The following EXD3 variants were observed in gnomAD, a reference collection of about 807,000 sequenced individuals.
EXD3 encodes the protein exonuclease 3'-5' domain containing 3, also known as exonuclease mut-7 homolog.
In EXD3, 92 loss-of-function variants were observed where a neutral mutation model predicts 98.0. The observed-to-expected ratio is 0.94, with a 90% confidence interval of 0.79 to 1.12. EXD3 has a LOEUF of 1.12. Ranked by LOEUF, EXD3 falls within the 50% of genes most tolerant of loss-of-function variation. EXD3 has a pLI of 0.00. For missense variants in EXD3, 1,222 were observed against 1,191.6 expected, an observed-to-expected ratio of 1.03 and a Z score of -0.38; for synonymous variants, 569 against 526.0, an observed-to-expected ratio of 1.08 and a Z score of -1.12.
At chr9:137,409,710 G>A (rs979300647) in intron 1 of EXD3, among the ~76,000 whole-genome samples, 2 of 152,122 alleles carry the variant, frequency 1.3e-5, no homozygotes, top group African/African-American at 2.4e-5. Context: ...ACATTCCCTC[G>A]CTGCACACTC....
At chr9:137,330,572 AG>A (rs767950123) in intron 17 of EXD3, among the ~76,000 whole-genome samples, 72 of 74,820 alleles carry the variant, frequency 9.6e-4, no homozygotes, top group Admixed American at 1.5e-3. Flanking sequence ...GCTCCACAGG[AG>A]CTACACAGGA....
chr9:137,421,175 C>T (rs746779368), intron 1 of EXD3, among the ~76,000 whole-genome samples: 2 of 152,106 alleles, frequency 1.3e-5, no homozygotes, highest in Non-Finnish European at 2.9e-5. Flanking sequence ...ATGATGATTG[C>T]CTCATGTGTA....
rs1316755157 is a variant in EXD3 at position 137,404,200 on chromosome 9, A to T, written c.-47-8796T>A. On this transcript the variant is annotated intron_variant, in intron 1 of 21. Transcript: ENST00000340951. ...CTGCCAAGACCCCATCTCCAAATAC[A>T]GTGACATGGCGCCTAGGGCTTCAAC... 2.0e-5 allele frequency among the ~76,000 whole-genome samples: 3 copies of T among 152,160 alleles called. No homozygotes were observed. In the East Asian group the frequency reaches 5.8e-4, roughly 29 times the overall value.
intron 5 of EXD3, among the ~76,000 whole-genome samples, chr9:137,369,942 G>A (rs2131671265): frequency 1.3e-5 from 2 of 152,358 alleles, no homozygotes; most frequent in South Asian, 4.1e-4. Context: ...TGGGCTTTCT[G>A]GACATGCAGG....
intron 14 of EXD3, among the ~76,000 whole-genome samples, chr9:137,350,199 TAG>T (rs1327629744): frequency 3.3e-5 from 1 of 30,684 alleles, no homozygotes; most frequent in African/African-American, 2.0e-4. Context: ...AGGTTCTAGA[TAG>T]AGAGGGGTGG....
chr9:137,328,246 T>C lies in EXD3; in HGVS notation c.1999-4103A>G, dbSNP rs985120759. 2.3e-4 allele frequency among the ~76,000 whole-genome samples: 35 copies of C among 149,636 alleles called. 1 individual carries two copies. Among genetic ancestry groups the C allele is most frequent in the South Asian group, 6.3e-4 (3 of 4,778 alleles). ...TAAAAACAACAAATATACACCCACATGATGAGTAAAAACAACAAATAAACA... is the reference window on the plus strand; with the variant it reads ...TAAAAACAACAAATATACACCCACACGATGAGTAAAAACAACAAATAAACA... On this transcript the variant is annotated intron_variant, in intron 17 of 21. Coordinates refer to ENST00000340951, the MANE Select transcript of EXD3 (RefSeq NM_017820.5).
intron 8 of EXD3, among the ~76,000 whole-genome samples, chr9:137,355,665 GAGAAAGGGAGGA>G: frequency 3.1e-5 from 4 of 130,418 alleles, no homozygotes; most frequent in African/African-American, 1.1e-4. Context: ...AAGGAGGAAG[GAGAAAGGGAGGA>G]TGGAGGAAGG....
chr9:137,398,938 A>G (rs1330327816), intron 1 of EXD3, among the ~76,000 whole-genome samples: 2 of 151,716 alleles, frequency 1.3e-5, no homozygotes, highest in East Asian at 3.9e-4. Context: ...ACACATGTGC[A>G]CCCGCGTCCC....
At chr9:137,348,316 C>T in intron 16 of EXD3, 78 bp from the exon 17 acceptor site, 1 of 1,445,418 alleles carries the variant, frequency 6.9e-7, no homozygotes. Flanking sequence ...GGCCCTGAGG[C>T]TGTGTGGCCA....
In EXD3 at chr9:137,324,020, G is replaced by A; in HGVS notation, c.2052+70C>T. On this transcript the variant is annotated intron_variant, in intron 18 of 21. Coordinates refer to ENST00000340951, the MANE Select transcript of EXD3 (RefSeq NM_017820.5). This position sits in a 1 kb window ranked among gnomAD's most constrained non-coding sequence, Gnocchi z 4.1. ...CACGGCAAGCTGACCCTGAGGTGGG[G>A]GTGGCCGAGGGGCTGGGGGCTTGGG... 6.5e-7 allele frequency: 1 copy of A among 1,540,120 alleles called. No individual in the cohort carries two copies. Among genetic ancestry groups the A allele is most frequent in the South Asian group, 1.2e-5 (1 of 83,638 alleles).
At position 137,352,696 on chromosome 9, in the gene EXD3, T is replaced by A; in HGVS notation, c.961A>T (p.Met321Leu). Residue 321 changes from methionine to leucine, a missense_variant, in exon 11 of 22, where the codon ATG becomes TTG. Physicochemically the swap from Met to Leu is conservative, Grantham distance 15. Coordinates refer to ENST00000340951, the MANE Select transcript of EXD3 (RefSeq NM_017820.5). ...CGCTCCTCGGGCAGCAAGAGTTCCATGGCACACTGGGCGGCCGTGACTGGG... is the reference window on the plus strand; with the variant it reads ...CGCTCCTCGGGCAGCAAGAGTTCCAAGGCACACTGGGCGGCCGTGACTGGG... ...SDPVTAAQCA[M>L]ELLLPEERLP... 1 of 1,562,806 alleles carries A rather than the reference T, an allele frequency of 6.4e-7. No homozygotes were observed. Among genetic ancestry groups the A allele is most frequent in the Admixed American group, 1.9e-5 (1 of 51,806 alleles).
intron 17 of EXD3, among the ~76,000 whole-genome samples, chr9:137,326,830 C>A (rs1158811512): frequency 6.6e-6 from 1 of 152,020 alleles, no homozygotes; most frequent in Admixed American, 6.6e-5. Flanking sequence ...GTAGAGGATT[C>A]AGCAGTTTCA....
chr9:137,350,124 C>T (rs1337887980), intron 14 of EXD3, among the ~76,000 whole-genome samples: 3 of 50,524 alleles, frequency 5.9e-5, no homozygotes, highest in African/African-American at 3.1e-4. Context: ...GGGGAGGGTT[C>T]TAGATAGAGA....
intron 19 of EXD3, among the ~76,000 whole-genome samples, chr9:137,316,662 G>T (rs1180453875): frequency 1.3e-5 from 2 of 152,222 alleles, no homozygotes; most frequent in Non-Finnish European, 2.9e-5. Context: ...GGCCTGGCAG[G>T]CCAGGGGGAG....
At chr9:137,308,466 G>T (rs1831171522) in intron 20 of EXD3, among the ~76,000 whole-genome samples, 1 of 151,946 alleles carries the variant, frequency 6.6e-6, no homozygotes, top group Admixed American at 6.6e-5. Context: ...CACTACCCTC[G>T]GGTGGGGTGT....
At position 137,393,633 on chromosome 9, in the gene EXD3, C is replaced by G. The variant is rs1837055495; in HGVS notation, c.55+1670G>C. Among the ~76,000 whole-genome samples, 4 of 152,336 alleles carry G rather than the reference C, an allele frequency of 2.6e-5. No individual in the cohort carries two copies. The Middle Eastern group carries it at 0.014, about 518-fold the overall frequency. On this transcript the variant is annotated intron_variant, in intron 2 of 21. Coordinates refer to ENST00000340951, the MANE Select transcript of EXD3 (RefSeq NM_017820.5). The surrounding 1 kb of genome is among the most constrained non-coding windows in gnomAD (Gnocchi z 4.6). ...ACAGAAGAGGAAGGCAGAGAGGAAGCCCCTGGAGGGGTCCAAGGCCCGAGG... is the reference window on the plus strand; with the variant it reads ...ACAGAAGAGGAAGGCAGAGAGGAAGGCCCTGGAGGGGTCCAAGGCCCGAGG...
intron 17 of EXD3, among the ~76,000 whole-genome samples, chr9:137,325,551 G>C (rs938247173): frequency 1.3e-5 from 2 of 152,014 alleles, no homozygotes; most frequent in African/African-American, 4.8e-5. Context: ...TCATGCCTCA[G>C]CCTCCCAAGT....
chr9:137,353,446 C>A, intron 10 of EXD3: 1 of 985,356 alleles, frequency 1.0e-6, no homozygotes, highest in Non-Finnish European at 1.2e-6. Flanking sequence ...CCCTCCTCCT[C>A]ATTATGTGGG....
At position 137,407,118 on chromosome 9, in the gene EXD3, G is replaced by A. The variant is rs1027019357; in HGVS notation, c.-47-11714C>T. ...GGCGGCCTGCGGAGCAGCCAGTCCCGGGCACCCCACGCCGACCGCCGCGCG... is the reference window on the plus strand; with the variant it reads ...GGCGGCCTGCGGAGCAGCCAGTCCCAGGCACCCCACGCCGACCGCCGCGCG... On this transcript the variant is annotated intron_variant, in intron 1 of 21. Transcript: ENST00000340951. The surrounding 1 kb of genome is among the most constrained non-coding windows in gnomAD (Gnocchi z 4.4). Among the ~76,000 whole-genome samples, 5 of 152,084 alleles carry A rather than the reference G, an allele frequency of 3.3e-5. No individual in the cohort carries two copies. The highest frequency in any genetic ancestry group is 1.3e-4 in the Admixed American group (2 of 15,280).
Sources: gnomAD v4.1 joint callset for allele counts (sites outside exome capture counted in the v4.1 genomes callset) on GRCh38, gnomAD v4.1.1 for gene constraint, Gnocchi (gnomAD v3.1) non-coding constraint, MANE v1.5 for transcripts, NCBI Gene and HGNC (gene_info 2026-07-23, HGNC 2026-07-21) for gene names.